The following ANKFN1 variants were observed in gnomAD, a reference collection of about 807,000 sequenced individuals.
The protein encoded by ANKFN1 is ankyrin repeat and fibronectin type-III domain-containing protein 1.
In ANKFN1, 74 loss-of-function variants were observed where a neutral mutation model predicts 108.7. The observed-to-expected ratio is 0.68, with a 90% CI of 0.56 to 0.83. The LOEUF (loss-of-function observed/expected upper bound fraction) is 0.83, where lower values mean the gene tolerates loss of function less well. ANKFN1 is among the 40% of genes least tolerant of loss of function. The probability of loss-of-function intolerance (pLI) is 0.00; values close to 1 mark genes in which losing one functional copy is unlikely to be tolerated. For missense variants in ANKFN1, 1,505 were observed against 1,382.3 expected, an observed-to-expected ratio of 1.09 and a Z score of -1.41; for synonymous variants, 547 against 516.2, an observed-to-expected ratio of 1.06 and a Z score of -0.81.
chr17:56,410,463 T>A (rs1013889780), intron 8 of ANKFN1, among the ~76,000 whole-genome samples: 1 of 152,232 alleles, frequency 6.6e-6, no homozygotes, highest in East Asian at 1.9e-4. Flanking sequence ...TTGATCTATG[T>A]ATACATTGTA....
chr17:56,337,979 A>T (rs1246438448), intron 4 of ANKFN1, among the ~76,000 whole-genome samples: 3 of 152,158 alleles, frequency 2.0e-5, no homozygotes, highest in African/African-American at 7.2e-5. Context: ...ATTATAAATC[A>T]TGCTATATAA....
rs562595490 is a variant in ANKFN1 at position 56,358,310 on chromosome 17, G to A, written c.601+4264G>A. 2.8e-4 allele frequency among the ~76,000 whole-genome samples: 43 copies of A among 152,192 alleles called. 1 individual carries two copies. The South Asian group carries it at 3.9e-3, about 14-fold the overall frequency. On this transcript the variant is annotated intron_variant, in intron 6 of 20. Transcript: ENST00000682825. The stretch of plus-strand genomic sequence containing the variant: ...TCTCCATTTCTTAACAGGAATCACC[G>A]TGACACACAGGGTTTAGGGACTTAA...
chr17:56,441,351 TA>T (rs745356751), intron 9 of ANKFN1, among the ~76,000 whole-genome samples: 268 of 148,634 alleles, frequency 1.8e-3, no homozygotes, highest in African/African-American at 5.0e-3. Context: ...AGCCCACCCT[TA>T]AAAAAAAAAT....
intron 10 of ANKFN1, among the ~76,000 whole-genome samples, chr17:56,444,360 A>G (rs529143701): frequency 4.6e-5 from 7 of 152,256 alleles, no homozygotes; most frequent in African/African-American, 1.7e-4. Flanking sequence ...TAACTCTCCA[A>G]ATTTATCAGT....
intron 4 of ANKFN1, among the ~76,000 whole-genome samples, chr17:56,050,077 T>C (rs1305221147): frequency 2.0e-5 from 3 of 151,944 alleles, no homozygotes; most frequent in East Asian, 1.9e-4. Context: ...TTTTAATGAT[T>C]GCCATTCTAA....
Position 56,055,510 on chromosome 17 carries a change from CTGTG to C in ANKFN1, c.288+9199_288+9202del, listed in dbSNP as rs150078580. ...TATATATGTGTGTGTGTATGTATGTCTGTGTGTGTGTGTGTGTATGCCTAATGTG... is the reference window on the plus strand; with the variant it reads ...TATATATGTGTGTGTGTATGTATGTCTGTGTGTGTGTGTATGCCTAATGTG... On this transcript the variant is annotated intron_variant, in intron 4 of 12. Coordinates refer to the ANKFN1 transcript ENST00000635860. Among the ~76,000 whole-genome samples the C allele has an allele frequency of 2.7e-5, 3 of 111,898 alleles. No individual in the cohort carries two copies. In the South Asian group the frequency reaches 8.2e-4, roughly 31 times the overall value. The allele number at this position is 111,898 out of a possible 152,430, so 73.4% of individuals were successfully genotyped here.
At chr17:56,243,768 C>T (rs560519755) in intron 3 of ANKFN1, among the ~76,000 whole-genome samples, 8 of 152,046 alleles carry the variant, frequency 5.3e-5, no homozygotes, top group Admixed American at 2.0e-4. Flanking sequence ...GATGTATACA[C>T]GCACACATAC....
chr17:56,358,064 C>T (rs1333330145), intron 6 of ANKFN1, among the ~76,000 whole-genome samples: 3 of 152,198 alleles, frequency 2.0e-5, no homozygotes, highest in African/African-American at 4.8e-5. Context: ...CACTGTTACA[C>T]ATTAGATGCT....
chr17:56,303,887 A>G (rs1415232626), intron 3 of ANKFN1, among the ~76,000 whole-genome samples: 3 of 145,416 alleles, frequency 2.1e-5, no homozygotes, highest in East Asian at 2.0e-4. Flanking sequence ...TAGTAGAGAC[A>G]GGGTTTCACC....
chr17:56,055,906 A>G (rs954035551), intron 4 of ANKFN1, among the ~76,000 whole-genome samples: 5 of 151,850 alleles, frequency 3.3e-5, no homozygotes, highest in East Asian at 1.9e-4. Flanking sequence ...AGACTTTTTA[A>G]TAATAGCCAT....
chr17:56,144,819 A>C (rs893112957), intron 4 of ANKFN1, among the ~76,000 whole-genome samples: 1 of 152,214 alleles, frequency 6.6e-6, no homozygotes, highest in African/African-American at 2.4e-5. Flanking sequence ...TCCCTGAAGC[A>C]GACCCAGGGA....
intron 4 of ANKFN1, among the ~76,000 whole-genome samples, chr17:56,058,742 C>T (rs1433912253): frequency 2.6e-5 from 4 of 152,172 alleles, no homozygotes; most frequent in African/African-American, 7.2e-5. Flanking sequence ...GCTTCATCCA[C>T]GTCCCTGCAA....
At chr17:56,422,190 C>T (rs916146738) in intron 8 of ANKFN1, among the ~76,000 whole-genome samples, 5 of 152,158 alleles carry the variant, frequency 3.3e-5, no homozygotes, top group African/African-American at 1.2e-4. Flanking sequence ...AGTTTCTTTG[C>T]AACATGTTCA....
chr17:56,145,271 C>T (rs1567803242), intron 4 of ANKFN1, among the ~76,000 whole-genome samples: 1 of 152,166 alleles, frequency 6.6e-6, no homozygotes, highest in African/African-American at 2.4e-5. Context: ...AACAGACAGA[C>T]ATAAAGGGAG....
intron 3 of ANKFN1, among the ~76,000 whole-genome samples, chr17:56,266,041 C>T (rs1490118240): frequency 1.3e-5 from 2 of 152,120 alleles, no homozygotes; most frequent in South Asian, 2.1e-4. Context: ...TCTGGGACAC[C>T]AGAGTAGATA....
At chr17:56,438,284 A>G (rs530085030) in intron 8 of ANKFN1, among the ~76,000 whole-genome samples, 4 of 152,292 alleles carry the variant, frequency 2.6e-5, no homozygotes, top group Admixed American at 1.3e-4. Flanking sequence ...ATGATTGGTG[A>G]GTTTCACCAA....
chr17:56,450,862 T>C (rs17213411), intron 11 of ANKFN1, among the ~76,000 whole-genome samples: 2,723 of 152,286 alleles, frequency 0.018, 55 homozygotes, highest in East Asian at 0.092. Context: ...ACCACTGGAT[T>C]CCTATCTAAT....
intron 1 of ANKFN1, among the ~76,000 whole-genome samples, chr17:56,197,885 C>T (rs1913666651): frequency 6.6e-6 from 1 of 152,204 alleles, no homozygotes; most frequent in African/African-American, 2.4e-5. Context: ...TGATATGTGC[C>T]TGTAGTTCCA....
intron 20 of ANKFN1, among the ~76,000 whole-genome samples, chr17:56,500,255 G>T (rs188195734): frequency 6.6e-6 from 1 of 152,210 alleles, no homozygotes; most frequent in East Asian, 1.9e-4. Context: ...ACTTTACTGG[G>T]AATCTGAGCC....
Sources: gnomAD v4.1 joint callset for allele counts (sites outside exome capture counted in the v4.1 genomes callset) on GRCh38, gnomAD v4.1.1 for gene constraint, MANE v1.5 for transcripts, NCBI Gene and HGNC (gene_info 2026-07-23, HGNC 2026-07-21) for gene names.